Variants in PTCD2 observed in about 807,000 individuals in gnomAD.
The protein encoded by PTCD2 is pentatricopeptide repeat domain 2, also known as pentatricopeptide repeat-containing protein 2, mitochondrial.
Under a neutral mutation model 42.6 loss-of-function variants are expected in PTCD2, and 31 were observed. The observed-to-expected ratio is 0.73, with a 90% confidence interval of 0.55 to 0.98. PTCD2 has a LOEUF of 0.98. Among genes scored for constraint, PTCD2 ranks in the 50% least tolerant of loss-of-function variants. The pLI is 0.00. For missense variants in PTCD2, 476 were observed against 454.8 expected, an observed-to-expected ratio of 1.05 and a Z score of -0.42; for synonymous variants, 183 against 170.9, an observed-to-expected ratio of 1.07 and a Z score of -0.55.
chr5:72,334,218 GA>G (rs1200058205), intron 4 of PTCD2, among the ~76,000 whole-genome samples: 4 of 151,956 alleles, frequency 2.6e-5, no homozygotes, highest in East Asian at 1.9e-4. Context: ...AGACAAGTTG[GA>G]AAAAAATGTT....
chr5:72,344,316 A>G (rs1373191446), intron 8 of PTCD2, among the ~76,000 whole-genome samples: 1 of 152,218 alleles, frequency 6.6e-6, no homozygotes, highest in Non-Finnish European at 1.5e-5. Context: ...GATCGAGATC[A>G]TCTTGGCCAA....
At chr5:72,357,997 A>T (rs896840354) in intron 9 of PTCD2, among the ~76,000 whole-genome samples, 1 of 152,114 alleles carries the variant, frequency 6.6e-6, no homozygotes, top group Non-Finnish European at 1.5e-5. Context: ...ACAAAGTCTC[A>T]CTGTGTTGCC....
intron 6 of PTCD2, among the ~76,000 whole-genome samples, chr5:72,336,366 GAC>G (rs1751742027): frequency 6.6e-6 from 1 of 152,134 alleles, no homozygotes; most frequent in African/African-American, 2.4e-5. Flanking sequence ...TGGTACTTCT[GAC>G]ACAGCTTAAT....
intron 6 of PTCD2, 145 bp from the exon 7 acceptor site, chr5:72,338,477 T>C: frequency 2.4e-6 from 1 of 421,332 alleles, no homozygotes; most frequent in East Asian, 3.6e-5. Context: ...GCAAATAGTC[T>C]TTATATGGGG....
intron 2 of PTCD2, among the ~76,000 whole-genome samples, chr5:72,322,542 G>T (rs1750917145): frequency 6.6e-6 from 1 of 152,216 alleles, no homozygotes. Flanking sequence ...GCCATTAAAA[G>T]TGAGGTTTGA....
intron 8 of PTCD2, among the ~76,000 whole-genome samples, chr5:72,347,791 G>C (rs1448239073): frequency 6.6e-6 from 1 of 152,060 alleles, no homozygotes; most frequent in African/African-American, 2.4e-5. Context: ...GCATGAGGCT[G>C]TCCATTCCCA....
chr5:72,320,815 T>G, intron 1 of PTCD2: 1 of 318,230 alleles, frequency 3.1e-6, no homozygotes, highest in South Asian at 3.9e-5. Context: ...TATTTATTTA[T>G]TTATTTTTGA....
chr5:72,354,545 A>G (rs1412519490), intron 9 of PTCD2, among the ~76,000 whole-genome samples: 1 of 152,136 alleles, frequency 6.6e-6, no homozygotes, highest in African/African-American at 2.4e-5. Flanking sequence ...ATATCAAGAA[A>G]ATGCTAAATA....
Position 72,364,267 on chromosome 5 carries a change from A to C in PTCD2, c.*5840A>C, listed in dbSNP as rs937110750. The C allele has an allele frequency of 6.6e-6, 1 of 152,248 alleles. No individual in the cohort carries two copies. Among genetic ancestry groups the C allele is most frequent in the Non-Finnish European group, 1.5e-5 (1 of 68,040 alleles). The allele number at this position is 152,248 out of a possible 1,614,324, so 9.4% of individuals were successfully genotyped here. The stretch of plus-strand genomic sequence containing the variant: ...TTTTAAATGTCCTCTGTTCCCATGG[A>C]GCTTGCATTCTGCAAGAGCAACAGA... On this transcript the variant is annotated 3_prime_UTR_variant, in exon 10 of 10. Transcript: ENST00000380639.
intron 2 of PTCD2, among the ~76,000 whole-genome samples, chr5:72,322,478 C>A (rs560515906): frequency 1.3e-3 from 204 of 152,302 alleles, no homozygotes; most frequent in Non-Finnish European, 2.4e-3. Flanking sequence ...CCTTCTCTTA[C>A]GATCCCAGAG....
intron 8 of PTCD2, among the ~76,000 whole-genome samples, chr5:72,349,591 T>G (rs1194094797): frequency 2.0e-5 from 3 of 152,144 alleles, no homozygotes; most frequent in Non-Finnish European, 4.4e-5. Flanking sequence ...TTCAAAGGTA[T>G]CTAGTAACGT....
chr5:72,341,614 C>T (rs1752069444), intron 7 of PTCD2, among the ~76,000 whole-genome samples: 1 of 151,988 alleles, frequency 6.6e-6, no homozygotes, highest in African/African-American at 2.4e-5. Flanking sequence ...GTACCTAGTA[C>T]ATGCCTGTAG....
chr5:72,325,266 G>A (rs535179032), intron 2 of PTCD2, among the ~76,000 whole-genome samples: 7 of 152,282 alleles, frequency 4.6e-5, no homozygotes, highest in African/African-American at 1.2e-4. Flanking sequence ...AAGATGTAAC[G>A]TCATCTCTTT....
chr5:72,332,132 G>C (rs926912958), intron 4 of PTCD2, among the ~76,000 whole-genome samples: 1 of 152,018 alleles, frequency 6.6e-6, no homozygotes, highest in African/African-American at 2.4e-5. Flanking sequence ...CTAAATTTTG[G>C]GGCCACGGCT....
At chr5:72,343,115 T>TA (rs1752160690) in intron 8 of PTCD2, 79 bp downstream of exon 8, 1 of 671,926 alleles carries the variant, frequency 1.5e-6, no homozygotes, top group Non-Finnish European at 2.2e-6. Context: ...TATACCTAAA[T>TA]TTTTTAGCTG....
chr5:72,331,428 T>G, intron 4 of PTCD2, 53 bp downstream of exon 4: 1 of 1,257,980 alleles, frequency 7.9e-7, no homozygotes, highest in Non-Finnish European at 1.2e-6. Context: ...TTGGTGATAT[T>G]GGAAAAGGCA....
At chr5:72,343,476 G>A (rs774180836) in intron 8 of PTCD2, among the ~76,000 whole-genome samples, 1 of 152,074 alleles carries the variant, frequency 6.6e-6, no homozygotes, top group Non-Finnish European at 1.5e-5. Context: ...TATACTTATG[G>A]TACACAAAAT....
At chr5:72,330,483 A>G (rs969423091) in intron 3 of PTCD2, among the ~76,000 whole-genome samples, 1 of 152,124 alleles carries the variant, frequency 6.6e-6, no homozygotes, top group African/African-American at 2.4e-5. Flanking sequence ...AAGATTCTTA[A>G]TGAATAAGTC....
intron 8 of PTCD2, among the ~76,000 whole-genome samples, chr5:72,350,449 C>T (rs778338055): frequency 6.6e-6 from 1 of 152,180 alleles, no homozygotes; most frequent in Non-Finnish European, 1.5e-5. Context: ...AAACCCAAAT[C>T]TCTTATAATG....
Sources: allele counts gnomAD v4.1 joint callset (sites outside exome capture counted in the v4.1 genomes callset), GRCh38; gene constraint gnomAD v4.1.1; transcripts MANE v1.5; gene names NCBI Gene and HGNC (gene_info 2026-07-23, HGNC 2026-07-21).